ACCSL: variants seen among roughly 807,000 people sequenced by gnomAD.
ACCSL encodes the protein 1-aminocyclopropane-1-carboxylate synthase homolog (inactive) like, also known as probable inactive 1-aminocyclopropane-1-carboxylate synthase-like protein 2.
In ACCSL, 55 loss-of-function variants were observed where a neutral mutation model predicts 61.7. That is an observed-to-expected ratio of 0.89 (90% CI 0.72 to 1.12). The LOEUF (loss-of-function observed/expected upper bound fraction) is 1.12, where lower values mean the gene tolerates loss of function less well. ACCSL is among the 50% of genes most tolerant of loss of function. The probability of loss-of-function intolerance (pLI) is 0.00; values close to 1 mark genes in which losing one functional copy is unlikely to be tolerated. For missense variants in ACCSL, 632 were observed against 698.0 expected (o/e 0.91, Z 1.07); for synonymous variants, 258 against 264.3 (o/e 0.98, Z 0.23).
At chr11:43,967,248 G>A in the ACCSL span, among the ~76,000 whole-genome samples, 4 of 126,662 alleles carry the variant, frequency 3.2e-5, no homozygotes, top group Non-Finnish European at 4.7e-5. Context: ...CGCAATCTTG[G>A]CTCACTGCAA....
rs1952640337 is a variant in ACCSL, at chr11:44,051,672, G to A, written c.725G>A (p.Cys242Tyr). ...DPENVVVLNG[C>Y]CSVFCALAMV... ...CTTCAGGTGGTGGTTCTAAATGGCT[G>A]CTGCTCTGTCTTCTGTGCCCTGGCC... is the stretch of plus-strand genomic sequence containing the variant. The change falls in exon 5 of 14, where the codon TGC (cysteine) becomes TAC (tyrosine). Residue 242 changes from cysteine to tyrosine, a missense_variant. Transcript: ENST00000378832. The A allele has an allele frequency of 1.2e-6, 2 of 1,614,190 alleles. No homozygotes were observed. Among genetic ancestry groups the A allele is most frequent in the Non-Finnish European group, 1.7e-6 (2 of 1,180,046 alleles).
the ACCSL span, among the ~76,000 whole-genome samples, chr11:44,029,270 C>A: frequency 6.6e-6 from 1 of 152,240 alleles, no homozygotes; most frequent in Non-Finnish European, 1.5e-5. Flanking sequence ...TCTGAGTACT[C>A]CCCTCCAGCC....
intron 10 of ACCSL, 49 bp from the exon 11 acceptor site, chr11:44,056,136 T>C (rs1952669919): frequency 6.2e-7 from 1 of 1,614,240 alleles, no homozygotes; most frequent in South Asian, 1.1e-5. Context: ...GAGCCAGGAA[T>C]AGAAGGCAGA....
chr11:43,975,182 G>A, the ACCSL span, among the ~76,000 whole-genome samples: 16 of 151,856 alleles, frequency 1.1e-4, no homozygotes, highest in Admixed American at 2.0e-4. Flanking sequence ...CTGCCAGTGA[G>A]GGAAAAAAAA....
chr11:43,943,855 A>C, the ACCSL span: 1 of 1,276,230 alleles, frequency 7.8e-7, no homozygotes, highest in Non-Finnish European at 1.0e-6. The surrounding 1 kb of genome is among the most constrained non-coding windows in gnomAD (Gnocchi z 4.8). Flanking sequence ...GAAAGGAGAC[A>C]AATAAAGTCA....
chr11:44,016,364 C>G, the ACCSL span, among the ~76,000 whole-genome samples: 1 of 152,026 alleles, frequency 6.6e-6, no homozygotes, highest in African/African-American at 2.4e-5. Context: ...AACGGAGGTC[C>G]CTTGGGAAGC....
chr11:43,980,551 C>T, the ACCSL span, among the ~76,000 whole-genome samples: 2 of 152,284 alleles, frequency 1.3e-5, no homozygotes, highest in East Asian at 1.9e-4. Context: ...TTATTGGGTG[C>T]TTTCACTATT....
At chr11:44,053,651 C>G (rs1213890629) in intron 8 of ACCSL, 145 bp downstream of exon 8, 2 of 696,504 alleles carry the variant, frequency 2.9e-6, no homozygotes, top group Admixed American at 5.3e-5. Context: ...CACTTGAGGT[C>G]AGGAGTTCGA....
At chr11:43,991,154 T>C in the ACCSL span, among the ~76,000 whole-genome samples, 1 of 152,190 alleles carries the variant, frequency 6.6e-6, no homozygotes, top group Non-Finnish European at 1.5e-5. Context: ...CAAATATTTA[T>C]TGAGGGCTTA....
At chr11:44,014,519 GAGAGAGA>G in the ACCSL span, among the ~76,000 whole-genome samples, 1 of 139,024 alleles carries the variant, frequency 7.2e-6, no homozygotes. Context: ...GAGAGAGAGA[GAGAGAGA>G]GAGGTGCCAC....
chr11:44,039,400 G>A, the ACCSL span, among the ~76,000 whole-genome samples: 9,077 of 152,226 alleles, frequency 0.06, 504 homozygotes, highest in African/African-American at 0.14. Context: ...AAGTAACTCA[G>A]GAATGGAAAA....
the ACCSL span, among the ~76,000 whole-genome samples, chr11:43,941,225 A>C: frequency 6.6e-6 from 1 of 152,070 alleles, no homozygotes; most frequent in South Asian, 2.1e-4. Flanking sequence ...CACCACCTGC[A>C]TCCCCAGCTC....
intron 9 of ACCSL, among the ~76,000 whole-genome samples, chr11:44,055,734 A>T (rs1952667184): frequency 6.6e-6 from 1 of 152,256 alleles, no homozygotes; most frequent in Admixed American, 6.5e-5. Context: ...TCTAGAAATT[A>T]TGGTGACCCA....
chr11:44,052,497 TG>T (rs775453555), intron 5 of ACCSL, among the ~76,000 whole-genome samples, 164 bp from the exon 6 acceptor site: 8 of 152,234 alleles, frequency 5.3e-5, no homozygotes, highest in Non-Finnish European at 7.3e-5. Flanking sequence ...TCTATAATAA[TG>T]GATAACTTTC....
rs558611369 is a variant in ACCSL at position 44,048,035 on chromosome 11, G to A, written c.-2G>A. 3.7e-6 allele frequency: 6 copies of A among 1,606,902 alleles called. No homozygotes were observed. The highest frequency in any genetic ancestry group is 5.1e-6 in the Non-Finnish European group (6 of 1,174,074). On this transcript the variant is annotated 5_prime_UTR_variant, in exon 1 of 14. Transcript: ENST00000378832. Reference sequence around the variant, plus strand: ...TCAGAGGCCAGTAAAGATACCCGGAGTATGAGTCATCGGTCAGACACCCTT... The same window carrying A: ...TCAGAGGCCAGTAAAGATACCCGGAATATGAGTCATCGGTCAGACACCCTT...
the ACCSL span, among the ~76,000 whole-genome samples, chr11:43,948,674 A>G: frequency 2.0e-5 from 3 of 151,908 alleles, no homozygotes; most frequent in Admixed American, 2.0e-4. Context: ...GGGTCTCCCT[A>G]TATGGCACAG....
the ACCSL span, among the ~76,000 whole-genome samples, chr11:44,004,411 C>T: frequency 6.6e-6 from 1 of 152,010 alleles, no homozygotes; most frequent in Non-Finnish European, 1.5e-5. Flanking sequence ...AAAGGAGTCT[C>T]ACCAGCCTGT....
At chr11:44,005,429 G>A in the ACCSL span, among the ~76,000 whole-genome samples, 2 of 152,112 alleles carry the variant, frequency 1.3e-5, no homozygotes, top group Admixed American at 1.3e-4. Flanking sequence ...TTCCACTATG[G>A]GGAGGGGAGC....
At chr11:43,938,421 C>T in the ACCSL span, among the ~76,000 whole-genome samples, 1 of 151,740 alleles carries the variant, frequency 6.6e-6, no homozygotes, top group Admixed American at 6.6e-5. Context: ...CATCTTTAGT[C>T]AGTTCCTTGA....
Sources: allele counts gnomAD v4.1 joint callset (sites outside exome capture counted in the v4.1 genomes callset), GRCh38; gene constraint gnomAD v4.1.1; non-coding constraint Gnocchi (gnomAD v3.1); transcripts MANE v1.5; gene names NCBI Gene and HGNC (gene_info 2026-07-23, HGNC 2026-07-21).